Variants in ADCY10 observed in about 807,000 individuals in gnomAD.
ADCY10 encodes the protein adenylate cyclase type 10.
Under a neutral mutation model 183.3 loss-of-function variants are expected in ADCY10, and 156 were observed. That is an observed-to-expected ratio of 0.85 (90% CI 0.75 to 0.97). The LOEUF is 0.97. ADCY10 is among the 50% of genes least tolerant of loss of function. The pLI is 0.00. For synonymous variants in ADCY10, 645 were observed against 670.0 expected (o/e 0.96, Z 0.58); for missense variants, 1,745 against 1,934.3 (o/e 0.90, Z 1.84).
chr1:167,912,337 ACAGGGCC>A (rs1453540145), intron 1 of ADCY10, among the ~76,000 whole-genome samples: 1 of 152,192 alleles, frequency 6.6e-6, no homozygotes, highest in Non-Finnish European at 1.5e-5. Context: ...GCCATTAGAA[ACAGGGCC>A]CACCCAACAT....
intron 26 of ADCY10, 148 bp from the exon 27 acceptor site, chr1:167,825,003 A>T: frequency 1.2e-6 from 1 of 833,470 alleles, no homozygotes; most frequent in Non-Finnish European, 2.0e-6. Flanking sequence ...AGAAATAGAA[A>T]TCAAATTGGG....
chr1:167,865,029 A>G (rs912093111), intron 14 of ADCY10, among the ~76,000 whole-genome samples: 1 of 152,244 alleles, frequency 6.6e-6, no homozygotes, highest in Non-Finnish European at 1.5e-5. Flanking sequence ...AAGTTGAGAC[A>G]TGTCAAAGAA....
chr1:167,901,787 A>G lies in ADCY10; in HGVS notation c.311T>C (p.Leu104Pro), dbSNP rs770926693. Reference sequence around the variant, plus strand: ...CAGCTGCTTTCGCTCCACCCTCCACAGGGCTAGCAGTGCATCACCTTCAGA... The same window carrying G: ...CAGCTGCTTTCGCTCCACCCTCCACGGGGCTAGCAGTGCATCACCTTCAGA... ...LKFAGDALLA[L>P]WRVERKQLKN... Residue 104 changes from leucine to proline, a missense_variant, in exon 5 of 33, where the codon CTG becomes CCG. Physicochemically the swap from Leu to Pro is moderately conservative, Grantham distance 98 (BLOSUM62 -3). Transcript: ENST00000367851. 1.2e-6 allele frequency: 2 copies of G among 1,614,192 alleles called. No homozygotes were observed. The highest frequency in any genetic ancestry group is 2.2e-5 in the East Asian group (1 of 44,876).
Position 167,833,168 on chromosome 1 carries a change from G to A in ADCY10, c.3418-6C>T. The A allele has an allele frequency of 2.5e-6, 4 of 1,613,664 alleles. No individual in the cohort carries two copies. The South Asian group carries it at 3.3e-5, about 13-fold the overall frequency. ...TGGCCCATATTGAAACAGACCTACAGGGAGGTGGGAGGGAAGAGAGGAAAA... is the reference window on the plus strand; with the variant it reads ...TGGCCCATATTGAAACAGACCTACAAGGAGGTGGGAGGGAAGAGAGGAAAA... On this transcript the variant is annotated splice_region_variant and splice_polypyrimidine_tract_variant and intron_variant, in intron 24 of 32. Coordinates refer to ENST00000367851, the MANE Select transcript of ADCY10 (RefSeq NM_018417.6).
intron 13 of ADCY10, among the ~76,000 whole-genome samples, chr1:167,873,461 C>G (rs935939183): frequency 6.6e-6 from 1 of 152,154 alleles, no homozygotes; most frequent in East Asian, 1.9e-4. Context: ...ATTGCCTTGA[C>G]ACAGTTAGGA....
chr1:167,904,545 C>T, intron 2 of ADCY10: 1 of 347,320 alleles, frequency 2.9e-6, no homozygotes, highest in Non-Finnish European at 5.2e-6. Flanking sequence ...ATAACTGCAA[C>T]TTCTTTAACT....
intron 13 of ADCY10, among the ~76,000 whole-genome samples, chr1:167,870,821 A>G (rs1039667850): frequency 6.6e-6 from 1 of 151,744 alleles, no homozygotes; most frequent in South Asian, 2.1e-4. Flanking sequence ...AAAAAAAAAA[A>G]AACTTGGAAT....
At chr1:167,878,318 G>T in intron 12 of ADCY10, 128 bp downstream of exon 12, 3 of 1,020,364 alleles carry the variant, frequency 2.9e-6, no homozygotes, top group Non-Finnish European at 4.5e-6. Flanking sequence ...TCTGGGCCTT[G>T]GTCTGGGGAA....
chr1:167,899,136 G>C (rs1197902887), intron 6 of ADCY10, among the ~76,000 whole-genome samples: 3 of 152,120 alleles, frequency 2.0e-5, no homozygotes, highest in Non-Finnish European at 4.4e-5. Flanking sequence ...AGACCCTTCT[G>C]GTTCCTTAAG....
intron 1 of ADCY10, among the ~76,000 whole-genome samples, chr1:167,913,028 A>G (rs1462591181): frequency 2.6e-5 from 4 of 152,224 alleles, no homozygotes; most frequent in Non-Finnish European, 5.9e-5. Context: ...TGACCTAGAC[A>G]AAAGATGTAG....
chr1:167,880,676 G>T, intron 9 of ADCY10, 67 bp from the exon 10 acceptor site: 2 of 1,221,998 alleles, frequency 1.6e-6, no homozygotes, highest in Non-Finnish European at 1.2e-6. Flanking sequence ...TGGCCAGAAG[G>T]CTCAACAGAG....
At chr1:167,904,859 C>T (rs1032324688) in intron 2 of ADCY10, 134 bp downstream of exon 2, 1 of 1,157,380 alleles carries the variant, frequency 8.6e-7, no homozygotes, top group Admixed American at 1.8e-5. Context: ...CTTGTGTTCT[C>T]AGTGGAGCAC....
intron 24 of ADCY10, among the ~76,000 whole-genome samples, chr1:167,833,382 G>T (rs1196928143): frequency 6.6e-6 from 1 of 152,176 alleles, no homozygotes; most frequent in African/African-American, 2.4e-5. Flanking sequence ...GTTGTGCATT[G>T]TCTACCTCTG....
chr1:167,907,739 G>C (rs1018545008), intron 1 of ADCY10, among the ~76,000 whole-genome samples: 6 of 152,204 alleles, frequency 3.9e-5, no homozygotes, highest in Non-Finnish European at 8.8e-5. Flanking sequence ...TATTTTGGAA[G>C]AGTTATTAAA....
intron 6 of ADCY10, 151 bp downstream of exon 6, chr1:167,899,272 G>C: frequency 1.3e-6 from 1 of 772,062 alleles, no homozygotes. Context: ...AGCTGCCCTG[G>C]ACTAAAGCCT....
At chr1:167,898,889 A>G (rs1185864523) in intron 6 of ADCY10, among the ~76,000 whole-genome samples, 7 of 151,982 alleles carry the variant, frequency 4.6e-5, no homozygotes, top group Non-Finnish European at 8.8e-5. Flanking sequence ...TTAATTGTCC[A>G]TATCCCAGGG....
intron 21 of ADCY10, among the ~76,000 whole-genome samples, chr1:167,844,868 G>T (rs1328577763): frequency 6.6e-6 from 1 of 152,090 alleles, no homozygotes; most frequent in African/African-American, 2.4e-5. Flanking sequence ...ACTAGAGTAG[G>T]CAGCCCATTA....
intron 16 of ADCY10, among the ~76,000 whole-genome samples, chr1:167,857,519 A>T (rs1204068722): frequency 6.6e-6 from 1 of 152,254 alleles, no homozygotes; most frequent in African/African-American, 2.4e-5. Flanking sequence ...TTATTCATAA[A>T]TTGAAGAGAA....
intron 2 of ADCY10, 65 bp from the exon 3 acceptor site, chr1:167,904,056 C>T: frequency 1.0e-6 from 1 of 962,504 alleles, no homozygotes; most frequent in Non-Finnish European, 1.7e-6. Context: ...CAGAAGAGGA[C>T]TACCCTGGAA....
Sources: allele counts gnomAD v4.1 joint callset (sites outside exome capture counted in the v4.1 genomes callset), GRCh38; gene constraint gnomAD v4.1.1; transcripts MANE v1.5; gene names NCBI Gene and HGNC (gene_info 2026-07-23, HGNC 2026-07-21).